Variants in CHCHD6 observed in about 807,000 individuals in gnomAD.
The protein encoded by CHCHD6 is coiled-coil-helix-coiled-coil-helix domain containing 6, also known as MICOS complex subunit MIC25.
Under a neutral mutation model 32.3 loss-of-function variants are expected in CHCHD6, and 28 were observed. That is an observed-to-expected ratio of 0.87 (90% CI 0.64 to 1.19). The LOEUF (loss-of-function observed/expected upper bound fraction) is 1.19. Among genes scored for constraint, CHCHD6 ranks in the 50% most tolerant of loss-of-function variants. The pLI is 0.00. For synonymous variants in CHCHD6, 122 were observed against 117.5 expected, an observed-to-expected ratio of 1.04 and a Z score of -0.25; for missense variants, 333 against 307.0, an observed-to-expected ratio of 1.08 and a Z score of -0.63.
chr3:126,744,058 T>C (rs1936395208), intron 4 of CHCHD6, among the ~76,000 whole-genome samples: 1 of 152,170 alleles, frequency 6.6e-6, no homozygotes, highest in Non-Finnish European at 1.5e-5. Flanking sequence ...CCTGCCACTC[T>C]TCTGTGTGTG....
chr3:126,924,619 T>C lies in CHCHD6; in HGVS notation c.566+9869T>C, dbSNP rs1329998492. ...TTGTGTGAGTGGGAGAGACTGGGAGTGTGCTGTTTGCCAGTCAGGGCTTGG... is the reference window on the plus strand; with the variant it reads ...TTGTGTGAGTGGGAGAGACTGGGAGCGTGCTGTTTGCCAGTCAGGGCTTGG... On this transcript the variant is annotated intron_variant, in intron 6 of 7. Coordinates refer to ENST00000290913, the MANE Select transcript of CHCHD6 (RefSeq NM_032343.3). 2.6e-5 allele frequency among the ~76,000 whole-genome samples: 4 copies of C among 151,984 alleles called. No individual in the cohort carries two copies. In the East Asian group the frequency reaches 7.7e-4, roughly 29 times the overall value.
chr3:126,739,690 C>A (rs562372110), intron 4 of CHCHD6, among the ~76,000 whole-genome samples: 2 of 152,278 alleles, frequency 1.3e-5, no homozygotes, highest in South Asian at 4.1e-4. Flanking sequence ...TCATTAACTT[C>A]TACTTTAATT....
chr3:126,758,132 A>G (rs1400164882), intron 4 of CHCHD6, among the ~76,000 whole-genome samples: 4 of 152,230 alleles, frequency 2.6e-5, no homozygotes, highest in Non-Finnish European at 4.4e-5. Flanking sequence ...CAGCTGCTCC[A>G]TGTCTGTGGG....
chr3:126,816,122 C>T (rs1290109264), intron 4 of CHCHD6, among the ~76,000 whole-genome samples: 2 of 152,144 alleles, frequency 1.3e-5, no homozygotes, highest in East Asian at 1.9e-4. Context: ...TCTTCCTCCT[C>T]CTTCCTTCTA....
chr3:126,914,178 G>A (rs1258953945), intron 5 of CHCHD6, among the ~76,000 whole-genome samples: 1 of 152,214 alleles, frequency 6.6e-6, no homozygotes, highest in Non-Finnish European at 1.5e-5. Flanking sequence ...TGACTTTGGA[G>A]AAGTCATTTC....
At chr3:126,845,455 A>G (rs905811921) in intron 4 of CHCHD6, among the ~76,000 whole-genome samples, 14 of 151,966 alleles carry the variant, frequency 9.2e-5, no homozygotes, top group Non-Finnish European at 1.3e-4. Flanking sequence ...CCTGCTTGGA[A>G]TTTTTCTGAG....
intron 4 of CHCHD6, among the ~76,000 whole-genome samples, chr3:126,818,420 A>G (rs1238252189): frequency 6.6e-6 from 1 of 152,162 alleles, no homozygotes; most frequent in Non-Finnish European, 1.5e-5. Flanking sequence ...GGATCCCCTC[A>G]GTGACAGACA....
chr3:126,924,803 T>C (rs1031183484), intron 6 of CHCHD6, among the ~76,000 whole-genome samples: 3 of 152,160 alleles, frequency 2.0e-5, no homozygotes, highest in African/African-American at 7.2e-5. Flanking sequence ...CCAGAATGGG[T>C]GGGCCTGGAG....
intron 4 of CHCHD6, chr3:126,766,492 C>G (rs1403462282): frequency 2.7e-6 from 2 of 747,980 alleles, no homozygotes; most frequent in African/African-American, 3.4e-5. Context: ...CTCGGTCTCA[C>G]TTTTGTCTCT....
chr3:126,907,334 CTCA>C (rs1350783161), intron 5 of CHCHD6, among the ~76,000 whole-genome samples: 1 of 152,192 alleles, frequency 6.6e-6, no homozygotes, highest in Non-Finnish European at 1.5e-5. Flanking sequence ...GCCAACTAGC[CTCA>C]TAAGTTTGCT....
chr3:126,778,926 A>AC (rs1228158865), intron 4 of CHCHD6, among the ~76,000 whole-genome samples: 1 of 133,162 alleles, frequency 7.5e-6, no homozygotes, highest in African/African-American at 2.8e-5. Context: ...GGCTCATTAA[A>AC]TTTTTTTTTT....
At chr3:126,767,293 G>T in intron 4 of CHCHD6, 1 of 1,165,412 alleles carries the variant, frequency 8.6e-7, no homozygotes, top group South Asian at 1.2e-5. Context: ...GCCCCATCTT[G>T]TTCTCCCCAA....
At chr3:126,740,536 T>C (rs1936248067) in intron 4 of CHCHD6, among the ~76,000 whole-genome samples, 1 of 152,148 alleles carries the variant, frequency 6.6e-6, no homozygotes, top group South Asian at 2.1e-4. Context: ...GGGACTGACC[T>C]CACTCCTGCT....
intron 4 of CHCHD6, chr3:126,766,452 G>A: frequency 1.5e-6 from 1 of 679,466 alleles, no homozygotes; most frequent in Non-Finnish European, 2.8e-6. Flanking sequence ...TTTGGCGGTT[G>A]TATTCTGGTA....
intron 4 of CHCHD6, among the ~76,000 whole-genome samples, chr3:126,733,686 G>A (rs11706899): frequency 6.6e-5 from 10 of 152,154 alleles, no homozygotes; most frequent in African/African-American, 1.7e-4. Context: ...CTTGAAGTTC[G>A]TGATGTTTAC....
intron 4 of CHCHD6, among the ~76,000 whole-genome samples, chr3:126,798,770 T>G (rs1172870801): frequency 6.6e-6 from 1 of 152,176 alleles, no homozygotes; most frequent in East Asian, 1.9e-4. Context: ...AGATGTTGGT[T>G]GAATTTCGCA....
intron 4 of CHCHD6, among the ~76,000 whole-genome samples, chr3:126,798,560 C>T (rs998319664): frequency 1.3e-5 from 2 of 152,090 alleles, no homozygotes; most frequent in African/African-American, 2.4e-5. Flanking sequence ...AGCATCCTCT[C>T]GGCTCCCCGA....
intron 4 of CHCHD6, among the ~76,000 whole-genome samples, chr3:126,781,268 G>T (rs757134895): frequency 6.6e-6 from 1 of 152,174 alleles, no homozygotes; most frequent in Non-Finnish European, 1.5e-5. Flanking sequence ...TCAAGACGGT[G>T]GAAGAGGCCA....
At chr3:126,779,363 C>T (rs931400107) in intron 4 of CHCHD6, among the ~76,000 whole-genome samples, 8 of 151,738 alleles carry the variant, frequency 5.3e-5, no homozygotes, top group African/African-American at 1.9e-4. Flanking sequence ...ATAGTGAAAC[C>T]CTGTTTCCAC....
Sources: allele counts gnomAD v4.1 joint callset (sites outside exome capture counted in the v4.1 genomes callset), GRCh38; gene constraint gnomAD v4.1.1; transcripts MANE v1.5; gene names NCBI Gene and HGNC (gene_info 2026-07-23, HGNC 2026-07-21).